The following CBFA2T3 variants were observed in gnomAD, a reference collection of about 807,000 sequenced individuals.
CBFA2T3 encodes transcriptional corepressor CBFA2T3.
Under a neutral mutation model 58.6 loss-of-function variants are expected in CBFA2T3, and 31 were observed. The ratio of observed to expected loss-of-function variants is 0.53; its 90% CI spans 0.40 to 0.71. CBFA2T3 has a LOEUF of 0.71. Ranked by LOEUF, CBFA2T3 falls within the 30% of genes least tolerant of loss-of-function variation. CBFA2T3 has a pLI of 0.00. For synonymous variants in CBFA2T3, 531 were observed against 421.9 expected (o/e 1.26, Z -3.17); for missense variants, 1,076 against 963.1 (o/e 1.12, Z -1.55).
intron 1 of CBFA2T3, among the ~76,000 whole-genome samples, chr16:88,974,626 G>A (rs571914485): frequency 8.7e-4 from 132 of 152,298 alleles, no homozygotes; most frequent in South Asian, 5.8e-3. Context: ...AAATATTACT[G>A]TTCTCCCCAG....
At position 88,950,523 on chromosome 16, in the gene CBFA2T3, C is replaced by T. The variant is rs1280784345; in HGVS notation, c.151+26134G>A. 2.8e-5 allele frequency: 12 copies of T among 427,518 alleles called. 1 individual carries two copies. The Middle Eastern group carries it at 1.0e-3, about 37-fold the overall frequency. 26.5% of individuals were successfully genotyped at this position (427,518 alleles called of 1,614,324 possible). A position where few individuals can be genotyped will look rare whatever the true frequency, so the allele number is the denominator to read the frequency against. ...GTCAGGAGTGTTGGCACCTGTCTTC[C>T]GGGTCAGTTCACCCGTCCCCTGGAC... is the stretch of plus-strand genomic sequence containing the variant. On this transcript the variant is annotated intron_variant, in intron 1 of 11. Coordinates refer to ENST00000268679, the MANE Select transcript of CBFA2T3 (RefSeq NM_005187.6).
chr16:88,901,687 G>A (rs1970104978), intron 1 of CBFA2T3, 31 bp from the exon 2 acceptor site: 4 of 1,514,544 alleles, frequency 2.6e-6, no homozygotes, highest in African/African-American at 2.9e-5. Context: ...AAGAGTCGGT[G>A]AAGCAGGCTA....
chr16:88,967,838 C>A (rs1213053929), intron 1 of CBFA2T3, among the ~76,000 whole-genome samples: 2 of 152,214 alleles, frequency 1.3e-5, no homozygotes, highest in Admixed American at 1.3e-4. Flanking sequence ...CGCCCCCTGC[C>A]CCGGAGCAGC....
rs142092792 is a variant in CBFA2T3, at chr16:88,885,143, C to A, written c.1020G>T (p.Pro340=). ...TGGCTATGTCCTCCAGGCGGTAGTGCGGCGGCGGTGTGGGCTGCGGTGGCC... is the reference window on the plus strand; with the variant it reads ...TGGCTATGTCCTCCAGGCGGTAGTGAGGCGGCGGTGTGGGCTGCGGTGGCC... The part of the protein sequence containing the change: ...SNGPPQPTPP[P]HYRLEDIAMA... The change falls in exon 7 of 12, where the codon CCG becomes CCT. Residue 340 remains proline, a synonymous_variant. Coordinates refer to ENST00000268679, the MANE Select transcript of CBFA2T3 (RefSeq NM_005187.6). The surrounding 1 kb of genome is among the most constrained non-coding windows in gnomAD (Gnocchi z 5.3). The A allele has an allele frequency of 8.1e-6, 13 of 1,599,710 alleles. No homozygotes were observed. The African/African-American group carries it at 1.6e-4, about 20-fold the overall frequency.
At chr16:88,924,274 G>A (rs1247229173) in intron 1 of CBFA2T3, among the ~76,000 whole-genome samples, 2 of 152,214 alleles carry the variant, frequency 1.3e-5, no homozygotes, top group African/African-American at 2.4e-5. Context: ...GAGCTGCAAC[G>A]GCTGTGCTGA....
intron 11 of CBFA2T3, among the ~76,000 whole-genome samples, chr16:88,878,881 G>C (rs1187059187): frequency 6.6e-6 from 1 of 152,226 alleles, no homozygotes; most frequent in African/African-American, 2.4e-5. Flanking sequence ...GGGAGGCGGA[G>C]GTTGTAATGA....
At chr16:88,884,732 G>C (rs1453946720) in intron 7 of CBFA2T3, 4 of 294,142 alleles carry the variant, frequency 1.4e-5, no homozygotes, top group Non-Finnish European at 1.9e-5. Context: ...GGAGGAAACT[G>C]AGAAGCAGAG....
rs1008429629 is a variant in CBFA2T3, at chr16:88,874,987, C to T, written c.*1989G>A. 14 of 233,572 alleles carry T rather than the reference C, an allele frequency of 6.0e-5. No homozygotes were observed. The highest frequency in any genetic ancestry group is 1.8e-4 in the South Asian group (1 of 5,626). The allele number at this position is 233,572 out of a possible 1,614,324, so 14.5% of individuals were successfully genotyped here. On this transcript the variant is annotated 3_prime_UTR_variant, in exon 12 of 12. Transcript: ENST00000268679. Reference sequence around the variant, plus strand: ...AGCTTCAGGCCTCTGGCGGGCTGTTCGTGGCTGGTTCAGTAGCTGGGTCAC... The same window carrying T: ...AGCTTCAGGCCTCTGGCGGGCTGTTTGTGGCTGGTTCAGTAGCTGGGTCAC...
intron 1 of CBFA2T3, chr16:88,941,744 C>A (rs1489363288): frequency 4.0e-5 from 6 of 149,982 alleles, no homozygotes; most frequent in Admixed American, 4.0e-4. Flanking sequence ...CCCACCCTCT[C>A]CCCCTCCGCA....
chr16:88,968,348 C>T (rs930647410), intron 1 of CBFA2T3, among the ~76,000 whole-genome samples: 3 of 152,216 alleles, frequency 2.0e-5, no homozygotes, highest in African/African-American at 2.4e-5. Flanking sequence ...ACCCGCCGCC[C>T]GGAGAGCCCC....
intron 7 of CBFA2T3, 77 bp from the exon 8 acceptor site, chr16:88,882,838 G>C: frequency 9.9e-7 from 1 of 1,007,558 alleles, no homozygotes; most frequent in South Asian, 1.4e-5. Flanking sequence ...CCCGCCCTCT[G>C]CTCCCAGGCC....
At chr16:88,941,166 G>C (rs1971712880) in intron 1 of CBFA2T3, 3 of 982,704 alleles carry the variant, frequency 3.1e-6, no homozygotes, top group African/African-American at 1.8e-5. Context: ...CCGGGCTCAG[G>C]CGCGCGGCGG....
intron 1 of CBFA2T3, among the ~76,000 whole-genome samples, chr16:88,964,909 TATCCATCC>T (rs56700700): frequency 0.091 from 13,128 of 143,734 alleles, 587 homozygotes; most frequent in Non-Finnish European, 0.1. Context: ...TCTATCCACT[TATCCATCC>T]ATCCATCCAT....
intron 7 of CBFA2T3, chr16:88,883,384 A>T (rs1349011293): frequency 6.4e-6 from 1 of 155,698 alleles, no homozygotes; most frequent in Non-Finnish European, 1.4e-5. Flanking sequence ...CTGCCTGTGA[A>T]CACCGCCAGC....
rs1335903122 is a variant in CBFA2T3, at chr16:88,976,695, C to A, written c.113G>T (p.Gly38Val). Residue 38 changes from glycine (G) to valine (V), a missense_variant, in exon 1 of 12, where the codon GGC becomes GTC. Physicochemically the swap from Gly to Val is moderately radical, Grantham distance 109. Transcript: ENST00000268679. The stretch of plus-strand genomic sequence containing the variant: ...CCTGGGACCCCGGGGTGCGGAGCAG[C>A]CGGCAGATGCCAGGAGGCCGCTCTC... ...VLESGLLASA[G>V]CSAPRGPRKG... The A allele has an allele frequency of 6.4e-7, 1 of 1,561,032 alleles. No individual in the cohort carries two copies. The highest frequency in any genetic ancestry group is 1.9e-5 in the Admixed American group (1 of 53,188).
At chr16:88,909,991 C>A (rs1037748758) in intron 1 of CBFA2T3, among the ~76,000 whole-genome samples, 2 of 152,098 alleles carry the variant, frequency 1.3e-5, no homozygotes, top group African/African-American at 4.8e-5. Context: ...CACGGCGGCT[C>A]CCACGGCGGC....
At chr16:88,888,981 A>T (rs907428579) in intron 5 of CBFA2T3, among the ~76,000 whole-genome samples, 9 of 151,658 alleles carry the variant, frequency 5.9e-5, no homozygotes, top group Non-Finnish European at 1.2e-4. Context: ...CGTCATGGAC[A>T]GGGGCCGTAG....
At position 88,881,338 on chromosome 16, in the gene CBFA2T3, G is replaced by T. The variant is rs560491264; in HGVS notation, c.1355C>A (p.Ala452Glu). 22 of 1,580,346 alleles carry T rather than the reference G, an allele frequency of 1.4e-5. No individual in the cohort carries two copies. The highest frequency in any genetic ancestry group is 1.2e-4 in the South Asian group (11 of 88,322). The change falls in exon 9 of 12, where the codon GCG becomes GAG. Residue 452 changes from alanine (A) to glutamate (E), a missense_variant. Transcript: ENST00000268679. ...GGCGGAGCTGCTGCGGGGCCGGGCC[G>T]CGGCGGGAGCGGGGCCCTTCTTTGT... ...EDTKKGPAPAAARPRSSSAGP... is the reference protein window; with the variant it reads ...EDTKKGPAPAEARPRSSSAGP...
chr16:88,895,154 C>T (rs1969834277), intron 3 of CBFA2T3, among the ~76,000 whole-genome samples: 1 of 152,220 alleles, frequency 6.6e-6, no homozygotes, highest in Non-Finnish European at 1.5e-5. Context: ...TCCCTTTCTA[C>T]CCGCTCCTGC....
Sources: gnomAD v4.1 joint callset for allele counts (sites outside exome capture counted in the v4.1 genomes callset) on GRCh38, gnomAD v4.1.1 for gene constraint, Gnocchi (gnomAD v3.1) non-coding constraint, MANE v1.5 for transcripts, NCBI Gene and HGNC (gene_info 2026-07-23, HGNC 2026-07-21) for gene names.